DCDC2: variants seen among roughly 807,000 people sequenced by gnomAD.
The protein encoded by DCDC2 is doublecortin domain containing 2, also known as doublecortin domain-containing protein 2.
In DCDC2, 40 loss-of-function variants were observed where a neutral mutation model predicts 50.2. That is an observed-to-expected ratio of 0.80 (90% CI 0.62 to 1.04). The LOEUF (loss-of-function observed/expected upper bound fraction) is 1.04, where lower values mean the gene tolerates loss of function less well. DCDC2 is among the 50% of genes least tolerant of loss of function. The pLI, the probability that DCDC2 is intolerant of heterozygous loss-of-function variation, is 0.00. For synonymous variants in DCDC2, 234 were observed against 210.6 expected (o/e 1.11, Z -0.96); for missense variants, 570 against 581.9 (o/e 0.98, Z 0.21).
At chr6:24,271,814 G>A (rs925874293) in intron 7 of DCDC2, among the ~76,000 whole-genome samples, 2 of 152,200 alleles carry the variant, frequency 1.3e-5, no homozygotes, top group African/African-American at 4.8e-5. Flanking sequence ...TGGAAAATGT[G>A]ATCTGAGTAT....
chr6:24,205,162 G>T (rs745520976), intron 7 of DCDC2, 60 bp from the exon 8 acceptor site: 52 of 1,613,996 alleles, frequency 3.2e-5, no homozygotes, highest in Non-Finnish European at 4.2e-5. Context: ...GTGGCTGAAT[G>T]CTGGAATTAC....
chr6:24,382,558 G>A, the DCDC2 span, among the ~76,000 whole-genome samples: 63,625 of 151,878 alleles, frequency 0.42, 14,753 homozygotes, highest in Non-Finnish European at 0.52. Flanking sequence ...TGAGTTTGCT[G>A]GTTTTTTGTT....
intron 4 of DCDC2, among the ~76,000 whole-genome samples, chr6:24,296,498 C>T (rs1295613735): frequency 2.6e-5 from 4 of 152,118 alleles, no homozygotes; most frequent in African/African-American, 9.7e-5. Flanking sequence ...AGAGCTTCTG[C>T]ACATCAAAAG....
At chr6:24,239,488 G>C (rs372843445) in intron 7 of DCDC2, among the ~76,000 whole-genome samples, 4 of 152,128 alleles carry the variant, frequency 2.6e-5, no homozygotes, top group African/African-American at 9.7e-5. Flanking sequence ...CTTTCTTCTG[G>C]TAACAAGCAC....
At chr6:24,275,534 T>C (rs569133818) in intron 7 of DCDC2, among the ~76,000 whole-genome samples, 4 of 152,298 alleles carry the variant, frequency 2.6e-5, no homozygotes, top group Admixed American at 2.6e-4. Context: ...ACAAGCCAGT[T>C]AGTGAAGGAA....
At position 24,172,989 on chromosome 6, in the gene DCDC2, A is replaced by AAATAATAATAATAATAATAATAATAAT. The variant is rs10529373; in HGVS notation, c.*1714_*1740dup. 3 of 145,938 alleles carry AAATAATAATAATAATAATAATAATAAT rather than the reference A, an allele frequency of 2.1e-5. No homozygotes were observed. Among genetic ancestry groups the AAATAATAATAATAATAATAATAATAAT allele is most frequent in the South Asian group, 2.2e-4 (1 of 4,536 alleles). The allele number at this position is 145,938 out of a possible 1,614,324, so 9.0% of individuals were successfully genotyped here. ...GACAAGAGCAAGACTTCATCTCAAA[A>AAATAATAATAATAATAATAATAATAAT]AATAATAATAATAATAATAATAATA... On this transcript the variant is annotated 3_prime_UTR_variant, in exon 10 of 10. Transcript: ENST00000378454.
the DCDC2 span, among the ~76,000 whole-genome samples, chr6:24,377,986 T>C: frequency 6.6e-6 from 1 of 152,154 alleles, no homozygotes; most frequent in South Asian, 2.1e-4. Flanking sequence ...CAAAATTCCA[T>C]CTCAGAAAAA....
At chr6:24,212,206 C>T (rs569179993) in intron 7 of DCDC2, among the ~76,000 whole-genome samples, 14 of 152,270 alleles carry the variant, frequency 9.2e-5, no homozygotes, top group African/African-American at 2.4e-4. Context: ...CATCCCCCGA[C>T]GCCCCTGAAT....
intron 4 of DCDC2, among the ~76,000 whole-genome samples, chr6:24,296,225 G>A (rs1418667635): frequency 2.0e-5 from 3 of 152,178 alleles, no homozygotes; most frequent in Admixed American, 1.3e-4. Context: ...AAGCAATGGG[G>A]AAAGGAGTCC....
At chr6:24,305,815 G>A (rs981305183) in intron 2 of DCDC2, among the ~76,000 whole-genome samples, 1 of 152,080 alleles carries the variant, frequency 6.6e-6, no homozygotes, top group Non-Finnish European at 1.5e-5. Flanking sequence ...ATCACCTGAG[G>A]TCAGGAGTTC....
chr6:24,176,514 T>C (rs1015784649), intron 9 of DCDC2, among the ~76,000 whole-genome samples: 1 of 152,180 alleles, frequency 6.6e-6, no homozygotes, highest in Non-Finnish European at 1.5e-5. Context: ...CAAATAAAAA[T>C]TGTATGTTTA....
At chr6:24,321,954 T>A (rs1048183661) in intron 2 of DCDC2, among the ~76,000 whole-genome samples, 1 of 152,212 alleles carries the variant, frequency 6.6e-6, no homozygotes, top group African/African-American at 2.4e-5. Context: ...AAAACATGTA[T>A]GTAATGGGTA....
the DCDC2 span, among the ~76,000 whole-genome samples, chr6:24,379,948 C>A: frequency 0.056 from 8,530 of 151,078 alleles, 312 homozygotes; most frequent in Non-Finnish European, 0.081. Context: ...GGACAAAAAA[C>A]CAAACACCGC....
At chr6:24,359,171 A>ATATATTT (rs1561789116), upstream of DCDC2, among the ~76,000 whole-genome samples, 82 of 63,202 alleles carry the variant, frequency 1.3e-3, no homozygotes, top group South Asian at 1.9e-3. Flanking sequence ...TATATATTTT[A>ATATATTT]TATATATTTT....
chr6:24,291,119 A>T, intron 4 of DCDC2, 41 bp from the exon 5 acceptor site: 2 of 1,573,780 alleles, frequency 1.3e-6, no homozygotes, highest in Non-Finnish European at 1.7e-6. Context: ...ATTTTAACCA[A>T]CATTTAAAGA....
intron 7 of DCDC2, among the ~76,000 whole-genome samples, chr6:24,271,257 GAAA>G (rs894383668): frequency 9.3e-6 from 1 of 107,542 alleles, no homozygotes; most frequent in African/African-American, 3.4e-5. Flanking sequence ...AGAAAAAAAA[GAAA>G]AAAAGAGAAA....
At chr6:24,206,075 A>G (rs1274835650) in intron 7 of DCDC2, among the ~76,000 whole-genome samples, 5 of 152,222 alleles carry the variant, frequency 3.3e-5, no homozygotes, top group Non-Finnish European at 7.3e-5. Context: ...TTCCCAGAGC[A>G]TAATTATTTA....
chr6:24,349,952 C>T (rs2127253592), intron 2 of DCDC2, among the ~76,000 whole-genome samples: 1 of 152,116 alleles, frequency 6.6e-6, no homozygotes, highest in Non-Finnish European at 1.5e-5. Flanking sequence ...TCACCTTATT[C>T]CTCTTTCTTT....
intron 2 of DCDC2, among the ~76,000 whole-genome samples, chr6:24,320,988 C>A (rs908529350): frequency 6.7e-6 from 1 of 149,820 alleles, no homozygotes. Context: ...CAGGGCCATA[C>A]TGGAAAGACA....
Sources: allele counts gnomAD v4.1 joint callset (sites outside exome capture counted in the v4.1 genomes callset), GRCh38; gene constraint gnomAD v4.1.1; transcripts MANE v1.5; gene names NCBI Gene and HGNC (gene_info 2026-07-23, HGNC 2026-07-21).